The following ZNF543 variants were observed in gnomAD, a reference collection of about 807,000 sequenced individuals.
ZNF543 encodes zinc finger protein 543.
In ZNF543, 10 loss-of-function variants were observed where a neutral mutation model predicts 13.4. That is an observed-to-expected ratio of 0.75 (90% CI 0.46 to 1.26). ZNF543 has a LOEUF of 1.26. Among genes scored for constraint, ZNF543 ranks in the 50% most tolerant of loss-of-function variants. The pLI is 0.00. For missense variants in ZNF543, 768 were observed against 741.2 expected (o/e 1.04, Z -0.42); for synonymous variants, 272 against 264.7 (o/e 1.03, Z -0.27).
intron 1 of ZNF543, among the ~76,000 whole-genome samples, chr19:57,322,557 A>T (rs932847414): frequency 1.3e-4 from 19 of 151,824 alleles, no homozygotes; most frequent in African/African-American, 4.6e-4. Flanking sequence ...TCCCATCCTC[A>T]TTAACTGTGC....
Position 57,324,882 on chromosome 19 carries a change from G to A in ZNF543, c.145+1074G>A, listed in dbSNP as rs1482018126. ...AATGGAGACTCAGTATCTCAAATAT[G>A]TTATTTCTTTTCTAAACTAATGACT... On this transcript the variant is annotated intron_variant, in intron 2 of 3. Transcript: ENST00000321545. Among the ~76,000 whole-genome samples, 3 of 152,118 alleles carry A rather than the reference G, an allele frequency of 2.0e-5. No homozygotes were observed. The East Asian group carries it at 5.8e-4, about 29-fold the overall frequency.
rs964649422 is a variant in ZNF543 at position 57,320,496 on chromosome 19, C to G, written c.-358C>G. 9.8e-5 allele frequency: 21 copies of G among 215,272 alleles called. No homozygotes were observed. Among genetic ancestry groups the G allele is most frequent in the Non-Finnish European group, 1.7e-4 (18 of 108,252 alleles). The allele number at this position is 215,272 out of a possible 1,614,324, so 13.3% of individuals were successfully genotyped here. ...CGTCGCGTGACGTCATCTCCGTGAGCAGGATTGGCCCTGGAACAGTGTGGG... is the reference window on the plus strand; with the variant it reads ...CGTCGCGTGACGTCATCTCCGTGAGGAGGATTGGCCCTGGAACAGTGTGGG... On this transcript the variant is annotated 5_prime_UTR_variant, in exon 1 of 4. Transcript: ENST00000321545.
In ZNF543 at chr19:57,320,620, C is replaced by A. The variant is rs1169215462; in HGVS notation, c.-234C>A. On this transcript the variant is annotated 5_prime_UTR_variant, in exon 1 of 4. Transcript: ENST00000321545. ...GCATCTTGGCGGGAGCCTGACGCCC[C>A]GCTTCTTCCCTAACGGGGTGTTCCA... 2 of 542,330 alleles carry A rather than the reference C, an allele frequency of 3.7e-6. No individual in the cohort carries two copies. The highest frequency in any genetic ancestry group is 3.4e-5 in the Admixed American group (1 of 29,146). 33.6% of individuals were successfully genotyped at this position (542,330 alleles called of 1,614,324 possible). A position where few individuals can be genotyped will look rare whatever the true frequency, so the allele number is the denominator to read the frequency against.
chr19:57,327,374 T>TC (rs1324619931), intron 3 of ZNF543, among the ~76,000 whole-genome samples: 1 of 147,756 alleles, frequency 6.8e-6, no homozygotes, highest in African/African-American at 2.5e-5. Context: ...AGATGGAGCC[T>TC]CCCACTGTTG....
chr19:57,320,799 G>A lies in ZNF543; in HGVS notation c.-55G>A. 1.9e-6 allele frequency: 3 copies of A among 1,611,576 alleles called. No homozygotes were observed. Among genetic ancestry groups the A allele is most frequent in the Non-Finnish European group, 2.5e-6 (3 of 1,178,986 alleles). ...CCCCGCCCAGGACAGAGAAGGGCTG[G>A]GGGTCGGCTGAGCCGCGGCATTCCC... On this transcript the variant is annotated 5_prime_UTR_variant, in exon 1 of 4. Coordinates refer to ENST00000321545, the MANE Select transcript of ZNF543 (RefSeq NM_213598.4).
At chr19:57,326,504 A>C in intron 2 of ZNF543, 129 bp from the exon 3 acceptor site, 1 of 669,362 alleles carries the variant, frequency 1.5e-6, no homozygotes, top group African/African-American at 1.8e-5. Context: ...TCACGGTTCA[A>C]CGTTTTCTTT....
Position 57,323,706 on chromosome 19 carries a change from G to T in ZNF543, c.43G>T (p.Ala15Ser), listed in dbSNP as rs768843577. ...AQVSVTFEDV[A>S]VTFTQEEWGQ... ...GGTGTCTGTGACCTTTGAGGATGTG[G>T]CTGTGACATTCACCCAGGAGGAGTG... Residue 15 changes from alanine (A) to serine (S), a missense_variant, in exon 2 of 4, where the codon GCT (alanine) becomes TCT (serine). By Grantham distance (99) the Ala-to-Ser change is moderately conservative. This residue lies in a region of ZNF543 where 77 missense variants were observed against 75.5 expected (regional missense o/e 1.02). Coordinates refer to ENST00000321545, the MANE Select transcript of ZNF543 (RefSeq NM_213598.4). The T allele has an allele frequency of 6.2e-7, 1 of 1,613,368 alleles. No homozygotes were observed. Among genetic ancestry groups the T allele is most frequent in the Non-Finnish European group, 8.5e-7 (1 of 1,179,598 alleles).
chr19:57,320,895 T>C (rs1482777518), intron 1 of ZNF543, 24 bp downstream of exon 1: 1 of 1,613,970 alleles, frequency 6.2e-7, no homozygotes, highest in Non-Finnish European at 8.5e-7. Context: ...GTTTTGGCCT[T>C]GCTGCTGCTC....
Position 57,328,956 on chromosome 19 carries a change from A to G in ZNF543, c.1494A>G (p.Gln498=). The G allele has an allele frequency of 6.2e-7, 1 of 1,614,086 alleles. No individual in the cohort carries two copies. Among genetic ancestry groups the G allele is most frequent in the South Asian group, 1.1e-5 (1 of 91,082 alleles). ...FNRSSHLTRH[Q]QIHTGEKPYE... Reference sequence around the variant, plus strand: ...GCAGCTCACACCTCACGAGGCACCAACAGATTCACACTGGAGAGAAACCCT... The same window carrying G: ...GCAGCTCACACCTCACGAGGCACCAGCAGATTCACACTGGAGAGAAACCCT... Residue 498 remains glutamine (Q), a synonymous_variant, in exon 4 of 4, where the codon CAA becomes CAG. Transcript: ENST00000321545.
rs1198127880 is a variant in ZNF543, at chr19:57,328,927, A to T, written c.1465A>T (p.Asn489Tyr). The T allele has an allele frequency of 6.2e-7, 1 of 1,614,088 alleles. No homozygotes were observed. Among genetic ancestry groups the T allele is most frequent in the Non-Finnish European group, 8.5e-7 (1 of 1,179,992 alleles). The stretch of plus-strand genomic sequence containing the variant: ...GTGCGTGGAGTGTGGAAAGGCCTTC[A>T]ACCGCAGCTCACACCTCACGAGGCA... ...YECVECGKAF[N>Y]RSSHLTRHQQ... The change falls in exon 4 of 4, where the codon AAC (asparagine) becomes TAC (tyrosine). Residue 489 changes from asparagine (N) to tyrosine (Y), a missense_variant. Physicochemically the swap from Asn to Tyr is moderately radical, Grantham distance 143. This residue lies in a region of ZNF543 where 677 missense variants were observed against 631.4 expected (regional missense o/e 1.07). Transcript: ENST00000321545.
At position 57,328,533 on chromosome 19, in the gene ZNF543, CCAA is replaced by C; in HGVS notation, c.1074_1076del (p.Gln359del). The C allele has an allele frequency of 6.2e-7, 1 of 1,613,614 alleles. No homozygotes were observed. The highest frequency in any genetic ancestry group is 8.5e-7 in the Non-Finnish European group (1 of 1,179,910). ...ACCGCCGGTCATACCTCACGTGGCA[CCAA>C]CAGATTCACACTGGAGTGAAACCCT... On this transcript the variant is annotated inframe_deletion, in exon 4 of 4. Transcript: ENST00000321545.
At chr19:57,325,914 T>A (rs1418153187) in intron 2 of ZNF543, among the ~76,000 whole-genome samples, 3 of 152,204 alleles carry the variant, frequency 2.0e-5, no homozygotes, top group Admixed American at 6.5e-5. Context: ...CTCCCTCATT[T>A]AGCCCTTCCT....
Position 57,328,914 on chromosome 19 carries a change from T to C in ZNF543, c.1452T>C (p.Cys484=), listed in dbSNP as rs201409169. The C allele has an allele frequency of 2.5e-6, 4 of 1,614,008 alleles. No homozygotes were observed. In the South Asian group the frequency reaches 4.4e-5, roughly 18 times the overall value. Reference sequence around the variant, plus strand: ...AGAAACCCTATGAGTGCGTGGAGTGTGGAAAGGCCTTCAACCGCAGCTCAC... The same window carrying C: ...AGAAACCCTATGAGTGCGTGGAGTGCGGAAAGGCCTTCAACCGCAGCTCAC... ...TGEKPYECVE[C]GKAFNRSSHL... The change falls in exon 4 of 4, where the codon TGT becomes TGC. Residue 484 remains cysteine, a synonymous_variant. Coordinates refer to ENST00000321545, the MANE Select transcript of ZNF543 (RefSeq NM_213598.4).
At chr19:57,326,998 G>A (rs551726595) in intron 3 of ZNF543, among the ~76,000 whole-genome samples, 21 of 151,884 alleles carry the variant, frequency 1.4e-4, no homozygotes, top group African/African-American at 4.8e-4. Context: ...CTCCCGGGTA[G>A]CTGAGACTAC....
chr19:57,320,784 G>C lies in ZNF543; in HGVS notation c.-70G>C. 2.5e-6 allele frequency: 4 copies of C among 1,604,088 alleles called. No individual in the cohort carries two copies. The highest frequency in any genetic ancestry group is 3.4e-6 in the Non-Finnish European group (4 of 1,173,658). On this transcript the variant is annotated 5_prime_UTR_variant, in exon 1 of 4. Coordinates refer to ENST00000321545, the MANE Select transcript of ZNF543 (RefSeq NM_213598.4). ...AGTCAGCCGAGGTCGCCCCGCCCAG[G>C]ACAGAGAAGGGCTGGGGGTCGGCTG...
intron 2 of ZNF543, among the ~76,000 whole-genome samples, chr19:57,326,314 G>A (rs1323130119): frequency 3.9e-5 from 6 of 152,134 alleles, no homozygotes; most frequent in East Asian, 3.9e-4. Flanking sequence ...ACAGGTACCC[G>A]CCACCACACC....
rs2088084476 is a variant in ZNF543 at position 57,320,709 on chromosome 19, C to G, written c.-145C>G. 1 of 1,050,046 alleles carries G rather than the reference C, an allele frequency of 9.5e-7. No homozygotes were observed. The highest frequency in any genetic ancestry group is 3.0e-5 in the Admixed American group (1 of 33,688). 65.0% of individuals were successfully genotyped at this position (1,050,046 alleles called of 1,614,324 possible). On this transcript the variant is annotated 5_prime_UTR_variant, in exon 1 of 4. Transcript: ENST00000321545. ...CCGTCTCCTCAGCCCCGACGCTGCG[C>G]CCGCTTTGTGCGCATTTTTCTCTGG...
At chr19:57,327,508 C>A (rs992483520) in intron 3 of ZNF543, among the ~76,000 whole-genome samples, 196 bp from the exon 4 acceptor site, 1 of 143,116 alleles carries the variant, frequency 7.0e-6, no homozygotes, top group African/African-American at 2.6e-5. Flanking sequence ...CCATGCCCAG[C>A]TAATTTTTGT....
rs1005462145 is a variant in ZNF543 at position 57,324,494 on chromosome 19, C to T, written c.145+686C>T. Among the ~76,000 whole-genome samples, 4 of 152,298 alleles carry T rather than the reference C, an allele frequency of 2.6e-5. No homozygotes were observed. In the South Asian group the frequency reaches 6.2e-4, roughly 24 times the overall value. ...ACCTCTGTTGCTGTCACTATTGTCA[C>T]TGCTGTCTAAATCATTGTCCTCATA... On this transcript the variant is annotated intron_variant, in intron 2 of 3. Transcript: ENST00000321545.
Sources: allele counts gnomAD v4.1 joint callset (sites outside exome capture counted in the v4.1 genomes callset), GRCh38; gene constraint gnomAD v4.1.1; regional missense constraint gnomAD v4.1.1; transcripts MANE v1.5; gene names NCBI Gene and HGNC (gene_info 2026-07-23, HGNC 2026-07-21).